Variants in STXBP5L observed in about 807,000 individuals in gnomAD.
STXBP5L encodes syntaxin-binding protein 5-like.
A neutral mutation model predicts 144.5 loss-of-function variants in STXBP5L; 65 were observed. The observed-to-expected ratio is 0.45, with a 90% CI of 0.37 to 0.55. STXBP5L has a LOEUF of 0.55. Among genes scored for constraint, STXBP5L ranks in the 20% least tolerant of loss-of-function variants. The pLI is 0.00. For missense variants in STXBP5L, 1,298 were observed against 1,405.5 expected (o/e 0.92, Z 1.22); for synonymous variants, 505 against 469.6 (o/e 1.08, Z -0.97).
chr3:121,166,473 A>G (rs1010205725), intron 9 of STXBP5L, among the ~76,000 whole-genome samples: 14 of 152,136 alleles, frequency 9.2e-5, no homozygotes, highest in African/African-American at 3.1e-4. Flanking sequence ...TTTTGTTTCT[A>G]AAGTTAATTT....
chr3:120,999,317 T>A (rs949110882), intron 3 of STXBP5L, among the ~76,000 whole-genome samples: 1 of 152,210 alleles, frequency 6.6e-6, no homozygotes, highest in African/African-American at 2.4e-5. Context: ...CCTTCCAAAG[T>A]GCTGAGATTA....
intron 3 of STXBP5L, among the ~76,000 whole-genome samples, chr3:120,980,503 C>G (rs1272891455): frequency 1.3e-5 from 2 of 148,942 alleles, no homozygotes; most frequent in African/African-American, 2.5e-5. Flanking sequence ...TCTATTTTAT[C>G]TGGTGTAAGT....
At chr3:121,014,581 A>C (rs758399420) in intron 3 of STXBP5L, among the ~76,000 whole-genome samples, 2 of 151,056 alleles carry the variant, frequency 1.3e-5, no homozygotes, top group African/African-American at 2.4e-5. Context: ...TTGTTTTTCT[A>C]TCTTTTGGCT....
At chr3:121,415,990 G>A in intron 25 of STXBP5L, 22 bp downstream of exon 25, 1 of 1,582,184 alleles carries the variant, frequency 6.3e-7, no homozygotes, top group South Asian at 1.1e-5. Context: ...CCTGATTATA[G>A]AAATGTATTG....
chr3:121,339,147 T>C (rs143986005), intron 20 of STXBP5L, among the ~76,000 whole-genome samples: 11 of 152,142 alleles, frequency 7.2e-5, no homozygotes, highest in Admixed American at 2.6e-4. Context: ...TATTCCTGAT[T>C]AACATAGATG....
intron 5 of STXBP5L, among the ~76,000 whole-genome samples, chr3:121,105,161 G>T (rs962144503): frequency 1.3e-5 from 2 of 152,254 alleles, no homozygotes; most frequent in South Asian, 2.1e-4. Context: ...ACTTTAGGAA[G>T]CCGAGGTGGG....
chr3:121,346,201 G>C (rs145555151), intron 20 of STXBP5L, among the ~76,000 whole-genome samples: 2,054 of 149,962 alleles, frequency 0.014, 19 homozygotes, highest in Middle Eastern at 0.034. Context: ...GAGAACATGA[G>C]TGTTTGATTT....
chr3:121,400,527 G>C (rs1283398944), intron 22 of STXBP5L, among the ~76,000 whole-genome samples: 2 of 152,144 alleles, frequency 1.3e-5, no homozygotes, highest in African/African-American at 2.4e-5. Context: ...CTCTTCTATG[G>C]TTTGAGGTGG....
chr3:121,095,787 G>A (rs899249285), intron 5 of STXBP5L, among the ~76,000 whole-genome samples: 1 of 152,086 alleles, frequency 6.6e-6, no homozygotes, highest in Non-Finnish European at 1.5e-5. Flanking sequence ...CTCTCAACTC[G>A]TCAAAGTCAT....
chr3:121,324,737 A>C (rs2044088121), intron 20 of STXBP5L, among the ~76,000 whole-genome samples: 1 of 152,110 alleles, frequency 6.6e-6, no homozygotes, highest in East Asian at 1.9e-4. Context: ...TTTCTGAAGC[A>C]AATATAACGC....
chr3:121,342,305 G>A (rs1375598755), intron 20 of STXBP5L, among the ~76,000 whole-genome samples: 7 of 152,018 alleles, frequency 4.6e-5, no homozygotes, highest in Non-Finnish European at 8.8e-5. Flanking sequence ...GTATGTAATT[G>A]AGGGGCTGGC....
chr3:120,953,715 T>C (rs1277973124), intron 2 of STXBP5L, among the ~76,000 whole-genome samples: 1 of 152,092 alleles, frequency 6.6e-6, no homozygotes, highest in Non-Finnish European at 1.5e-5. Flanking sequence ...TTTTTTAGTG[T>C]ATTTCTTAGG....
At chr3:121,391,780 G>A (rs186494436) in intron 22 of STXBP5L, among the ~76,000 whole-genome samples, 135 of 152,206 alleles carry the variant, frequency 8.9e-4, no homozygotes, top group African/African-American at 3.0e-3. Flanking sequence ...TGGAAGCTTC[G>A]TCCCAGAGGG....
At chr3:121,313,865 T>G (rs1352185961) in intron 19 of STXBP5L, among the ~76,000 whole-genome samples, 2 of 139,910 alleles carry the variant, frequency 1.4e-5, no homozygotes, top group Non-Finnish European at 3.1e-5. Flanking sequence ...GCAGAGGGTT[T>G]CCTCACTTCT....
At chr3:120,954,500 GT>G (rs995532426) in intron 2 of STXBP5L, among the ~76,000 whole-genome samples, 1 of 151,718 alleles carries the variant, frequency 6.6e-6, no homozygotes, top group Non-Finnish European at 1.5e-5. Context: ...TCTTTTAATT[GT>G]TTAGTAGTAT....
chr3:121,085,967 C>A (rs368487097), intron 5 of STXBP5L, among the ~76,000 whole-genome samples: 1 of 152,152 alleles, frequency 6.6e-6, no homozygotes, highest in African/African-American at 2.4e-5. Context: ...GGTACCAAAA[C>A]AGACACATAG....
intron 20 of STXBP5L, among the ~76,000 whole-genome samples, chr3:121,331,568 AG>A (rs905050235): frequency 1.3e-5 from 2 of 152,164 alleles, no homozygotes; most frequent in African/African-American, 4.8e-5. Flanking sequence ...CTGGGAGTTG[AG>A]TAGCTTTCCT....
At chr3:121,274,842 C>T (rs954520749) in intron 18 of STXBP5L, among the ~76,000 whole-genome samples, 2 of 151,992 alleles carry the variant, frequency 1.3e-5, no homozygotes, top group East Asian at 1.9e-4. Context: ...GTGGGTCCAG[C>T]GACAACAGGG....
At chr3:121,195,518 T>A (rs1198603583) in intron 9 of STXBP5L, among the ~76,000 whole-genome samples, 2 of 152,192 alleles carry the variant, frequency 1.3e-5, no homozygotes, top group Non-Finnish European at 2.9e-5. Context: ...GATAATGCAA[T>A]ATTTGTCTTT....
Sources: allele counts gnomAD v4.1 joint callset (sites outside exome capture counted in the v4.1 genomes callset), GRCh38; gene constraint gnomAD v4.1.1; transcripts MANE v1.5; gene names NCBI Gene and HGNC (gene_info 2026-07-23, HGNC 2026-07-21).